The following TAS2R1 variants were observed in gnomAD, a reference collection of about 807,000 sequenced individuals.
TAS2R1 encodes taste 2 receptor member 1, also known as taste receptor type 2 member 1.
For missense variants in TAS2R1, 370 were observed against 353.4 expected (o/e 1.05, Z -0.38); for synonymous variants, 141 against 134.2 (o/e 1.05, Z -0.35).
chr5:9,872,093 T>G, the TAS2R1 span, among the ~76,000 whole-genome samples: 1 of 152,234 alleles, frequency 6.6e-6, no homozygotes, highest in Non-Finnish European at 1.5e-5. Context: ...AAAAGTAACT[T>G]TATTTATGTA....
At chr5:9,633,584 T>C (rs1485054127), upstream of TAS2R1, among the ~76,000 whole-genome samples, 1 of 151,990 alleles carries the variant, frequency 6.6e-6, no homozygotes, top group African/African-American at 2.4e-5. Context: ...ATGTGTTCCC[T>C]TTATACCACA....
chr5:9,884,447 C>G, the TAS2R1 span, among the ~76,000 whole-genome samples: 1 of 148,524 alleles, frequency 6.7e-6, no homozygotes. Context: ...GTACTCCAGC[C>G]TGGGCAACAG....
chr5:9,647,568 G>A (rs2126485687), intron 2 of TAS2R1, among the ~76,000 whole-genome samples: 1 of 152,182 alleles, frequency 6.6e-6, no homozygotes, highest in South Asian at 2.1e-4. Context: ...GGTACTCAAG[G>A]TCCTCCAGCC....
chr5:9,873,129 C>T, the TAS2R1 span, among the ~76,000 whole-genome samples: 3,401 of 152,276 alleles, frequency 0.022, 120 homozygotes, highest in African/African-American at 0.075. Flanking sequence ...TGAGTTTAAA[C>T]CTAACCAGTG....
chr5:9,833,633 T>C, the TAS2R1 span, among the ~76,000 whole-genome samples: 1 of 151,842 alleles, frequency 6.6e-6, no homozygotes, highest in South Asian at 2.1e-4. Context: ...AGAACAAATA[T>C]CCATAAAAGA....
chr5:9,794,033 G>T, the TAS2R1 span, among the ~76,000 whole-genome samples: 1 of 152,198 alleles, frequency 6.6e-6, no homozygotes, highest in African/African-American at 2.4e-5. Flanking sequence ...ATTTAGGAAT[G>T]AACTGTGTAA....
At chr5:9,709,652 T>C (rs2126531957) in intron 1 of TAS2R1, among the ~76,000 whole-genome samples, 1 of 152,304 alleles carries the variant, frequency 6.6e-6, no homozygotes, top group East Asian at 1.9e-4. Context: ...TTGAGGATAC[T>C]CAGCCACTCT....
chr5:9,831,932 A>T, the TAS2R1 span, among the ~76,000 whole-genome samples: 1 of 152,246 alleles, frequency 6.6e-6, no homozygotes, highest in Non-Finnish European at 1.5e-5. Context: ...GAGATATTTC[A>T]GTTTAACTCT....
At chr5:9,630,644 T>C (rs1469988657), upstream of TAS2R1, among the ~76,000 whole-genome samples, 1 of 152,116 alleles carries the variant, frequency 6.6e-6, no homozygotes, top group Non-Finnish European at 1.5e-5. Context: ...GTAATTAGGC[T>C]TGCACATACA....
chr5:9,780,294 T>G, the TAS2R1 span, among the ~76,000 whole-genome samples: 1 of 152,224 alleles, frequency 6.6e-6, no homozygotes, highest in South Asian at 2.1e-4. Flanking sequence ...TTTCCTGAAC[T>G]CATTTTCCTC....
the TAS2R1 span, among the ~76,000 whole-genome samples, chr5:9,822,131 G>A: frequency 6.6e-6 from 1 of 151,986 alleles, no homozygotes; most frequent in African/African-American, 2.4e-5. Context: ...CCTTCCTTAA[G>A]ACTTTCGTAT....
chr5:9,807,873 A>C, the TAS2R1 span, among the ~76,000 whole-genome samples: 1 of 152,176 alleles, frequency 6.6e-6, no homozygotes, highest in Non-Finnish European at 1.5e-5. Context: ...AATAAAAATA[A>C]AACAAATCAA....
chr5:9,667,144 G>C (rs1276418193), intron 1 of TAS2R1, among the ~76,000 whole-genome samples: 1 of 152,068 alleles, frequency 6.6e-6, no homozygotes, highest in East Asian at 1.9e-4. Flanking sequence ...TTGAAAACTA[G>C]AAACACATTT....
chr5:9,729,440 T>C, the TAS2R1 span, among the ~76,000 whole-genome samples: 1 of 152,152 alleles, frequency 6.6e-6, no homozygotes, highest in African/African-American at 2.4e-5. Context: ...CTTATGACCA[T>C]ATTTGACACA....
chr5:9,817,928 C>G, the TAS2R1 span, among the ~76,000 whole-genome samples: 1 of 151,936 alleles, frequency 6.6e-6, no homozygotes, highest in African/African-American at 2.4e-5. Context: ...ATCATCAGCT[C>G]CCATGAGAAC....
chr5:9,778,378 C>G, the TAS2R1 span, among the ~76,000 whole-genome samples: 1 of 152,102 alleles, frequency 6.6e-6, no homozygotes, highest in African/African-American at 2.4e-5. Context: ...CCTAGGATTT[C>G]AAAATGGTAA....
intron 1 of TAS2R1, among the ~76,000 whole-genome samples, chr5:9,685,949 T>C (rs546368373): frequency 6.6e-6 from 1 of 152,352 alleles, no homozygotes; most frequent in African/African-American, 2.4e-5. Context: ...CACTGCAACC[T>C]CCACCTCCTG....
At chr5:9,878,437 G>A in the TAS2R1 span, among the ~76,000 whole-genome samples, 4 of 152,154 alleles carry the variant, frequency 2.6e-5, no homozygotes, top group Non-Finnish European at 5.9e-5. Flanking sequence ...CAGCATTCAC[G>A]AGCATTCAAA....
intron 1 of TAS2R1, among the ~76,000 whole-genome samples, chr5:9,685,716 C>T (rs931443050): frequency 4.6e-5 from 7 of 152,192 alleles, no homozygotes; most frequent in African/African-American, 1.7e-4. Flanking sequence ...GTGTATGGCA[C>T]ACTATATAGT....
Sources: allele counts gnomAD v4.1 joint callset (sites outside exome capture counted in the v4.1 genomes callset), GRCh38; gene constraint gnomAD v4.1.1; transcripts MANE v1.5; gene names NCBI Gene and HGNC (gene_info 2026-07-23, HGNC 2026-07-21).